The following EPHA6 variants were observed in gnomAD, a reference collection of about 807,000 sequenced individuals.
The protein encoded by EPHA6 is ephrin type-A receptor 6.
A neutral mutation model predicts 112.0 loss-of-function variants in EPHA6; 50 were observed. That is an observed-to-expected ratio of 0.45 (90% CI 0.36 to 0.56). The LOEUF is 0.56. Ranked by LOEUF, EPHA6 falls within the 20% of genes least tolerant of loss-of-function variation. The pLI, the probability that EPHA6 is intolerant of heterozygous loss-of-function variation, is 0.00. For missense variants in EPHA6, 1,280 were observed against 1,417.4 expected (o/e 0.90, Z 1.56); for synonymous variants, 529 against 490.7 (o/e 1.08, Z -1.03).
intron 10 of EPHA6, among the ~76,000 whole-genome samples, chr3:97,493,988 G>A (rs542914097): frequency 6.6e-6 from 1 of 152,266 alleles, no homozygotes; most frequent in East Asian, 1.9e-4. Context: ...AAGACTATAA[G>A]AAAGATTTCA....
At chr3:96,911,205 GA>G (rs1292343664) in intron 2 of EPHA6, among the ~76,000 whole-genome samples, 4 of 151,942 alleles carry the variant, frequency 2.6e-5, no homozygotes, top group Non-Finnish European at 5.9e-5. Context: ...ATTATCATCA[GA>G]AAAATTAAGA....
At chr3:97,143,276 T>G (rs2075956515) in intron 3 of EPHA6, among the ~76,000 whole-genome samples, 1 of 151,722 alleles carries the variant, frequency 6.6e-6, no homozygotes, top group African/African-American at 2.4e-5. Flanking sequence ...AACTTCACCA[T>G]TATGGGATAT....
At chr3:97,636,702 T>A (rs1430293295) in intron 13 of EPHA6, among the ~76,000 whole-genome samples, 2 of 152,184 alleles carry the variant, frequency 1.3e-5, no homozygotes, top group Non-Finnish European at 2.9e-5. Flanking sequence ...AGATCATCTC[T>A]GTCCTGAAGC....
rs1354138010 is a variant in EPHA6, at chr3:97,757,889, A to G, written c.*9188A>G. 1.3e-5 allele frequency among the ~76,000 whole-genome samples: 2 copies of G among 151,882 alleles called. No individual in the cohort carries two copies. The highest frequency in any genetic ancestry group is 4.8e-5 in the African/African-American group (2 of 41,422). Reference sequence around the variant, plus strand: ...ATGCTTGAAAGTTTCCAACTCTCAAATAAGTTGAAACCAAGTGTCATAGCA... The same window carrying G: ...ATGCTTGAAAGTTTCCAACTCTCAAGTAAGTTGAAACCAAGTGTCATAGCA... On this transcript the variant is annotated 3_prime_UTR_variant, in exon 18 of 18. Transcript: ENST00000389672.
chr3:97,617,280 T>G (rs957629971), intron 13 of EPHA6, among the ~76,000 whole-genome samples: 5 of 152,042 alleles, frequency 3.3e-5, no homozygotes, highest in Admixed American at 6.6e-5. Context: ...GAAGGAAGCC[T>G]AAATGCAGAA....
At chr3:96,920,506 A>G (rs1559831941) in intron 2 of EPHA6, among the ~76,000 whole-genome samples, 1 of 151,980 alleles carries the variant, frequency 6.6e-6, no homozygotes, top group African/African-American at 2.4e-5. Context: ...GGTGATGTCA[A>G]AATTCTCTTG....
intron 5 of EPHA6, among the ~76,000 whole-genome samples, chr3:97,379,489 G>A (rs988060140): frequency 2.0e-5 from 3 of 151,214 alleles, no homozygotes; most frequent in Non-Finnish European, 2.9e-5. Context: ...GGTGGCTCAC[G>A]ACTGTAATCC....
At chr3:96,939,509 G>A (rs1367215576) in intron 2 of EPHA6, among the ~76,000 whole-genome samples, 2 of 151,732 alleles carry the variant, frequency 1.3e-5, no homozygotes, top group African/African-American at 4.8e-5. Flanking sequence ...TTCTTTATTA[G>A]TCTTGCTAGC....
intron 2 of EPHA6, among the ~76,000 whole-genome samples, chr3:96,971,797 C>T (rs1055475507): frequency 6.6e-6 from 1 of 152,048 alleles, no homozygotes; most frequent in Admixed American, 6.6e-5. Flanking sequence ...ACATATGGGC[C>T]ATTTTGCAAC....
intron 3 of EPHA6, among the ~76,000 whole-genome samples, chr3:97,086,134 C>G (rs1187889646): frequency 6.6e-6 from 1 of 151,694 alleles, no homozygotes; most frequent in Non-Finnish European, 1.5e-5. Flanking sequence ...GGGGTTTCAC[C>G]ATGTTGGTCA....
intron 3 of EPHA6, among the ~76,000 whole-genome samples, chr3:97,204,991 A>G (rs994455836): frequency 5.9e-5 from 9 of 152,214 alleles, no homozygotes; most frequent in South Asian, 2.1e-4. Context: ...ACATAGAAAA[A>G]TTGGGCAATT....
In EPHA6 at chr3:97,271,780, G is replaced by T. The variant is rs183140728; in HGVS notation, c.1606+27493G>T. ...GATAAATAATTTTAGTTTTTCATAG[G>T]TAGTCAAAAATGGCCACTTCCTTTT... On this transcript the variant is annotated intron_variant, in intron 5 of 17. Coordinates refer to ENST00000389672, the MANE Select transcript of EPHA6 (RefSeq NM_001080448.3). Among the ~76,000 whole-genome samples the T allele has an allele frequency of 1.5e-4, 23 of 152,172 alleles. No homozygotes were observed. The East Asian group carries it at 3.7e-3, about 24-fold the overall frequency.
intron 10 of EPHA6, among the ~76,000 whole-genome samples, chr3:97,495,025 C>T (rs1390648739): frequency 6.6e-6 from 1 of 152,074 alleles, no homozygotes; most frequent in Non-Finnish European, 1.5e-5. Context: ...TGTGAGAACA[C>T]AGGGATAGCA....
chr3:97,314,493 T>C (rs1185734623), intron 5 of EPHA6, among the ~76,000 whole-genome samples: 1 of 151,664 alleles, frequency 6.6e-6, no homozygotes, highest in Non-Finnish European at 1.5e-5. Context: ...ATCAATGTCT[T>C]AGATTTTCAG....
intron 12 of EPHA6, among the ~76,000 whole-genome samples, chr3:97,606,925 T>G (rs1056270725): frequency 7.3e-5 from 11 of 151,090 alleles, no homozygotes; most frequent in African/African-American, 2.4e-4. Context: ...TTTTTTACAG[T>G]GATAATCTAA....
chr3:97,645,572 G>A (rs906687170), intron 14 of EPHA6, among the ~76,000 whole-genome samples: 14 of 149,888 alleles, frequency 9.3e-5, no homozygotes, highest in Non-Finnish European at 1.5e-4. Context: ...GCTAGATGAC[G>A]AGTTAGTGGG....
chr3:97,714,423 A>G (rs1025960478), intron 14 of EPHA6, among the ~76,000 whole-genome samples: 5 of 152,346 alleles, frequency 3.3e-5, no homozygotes, highest in Non-Finnish European at 7.3e-5. Flanking sequence ...TCCATATTTC[A>G]GAAAAGGACA....
intron 14 of EPHA6, among the ~76,000 whole-genome samples, chr3:97,671,126 C>T (rs955558755): frequency 2.6e-5 from 4 of 152,180 alleles, no homozygotes; most frequent in African/African-American, 9.7e-5. Context: ...AAAAATGTAA[C>T]TGTACCCTTC....
intron 16 of EPHA6, among the ~76,000 whole-genome samples, chr3:97,736,613 T>TC (rs2035275245): frequency 6.6e-6 from 1 of 151,774 alleles, no homozygotes. Flanking sequence ...GAAGAATATT[T>TC]CCTGCTGATA....
Sources: gnomAD v4.1 joint callset for allele counts (sites outside exome capture counted in the v4.1 genomes callset) on GRCh38, gnomAD v4.1.1 for gene constraint, MANE v1.5 for transcripts, NCBI Gene and HGNC (gene_info 2026-07-23, HGNC 2026-07-21) for gene names.